Variants in SLC7A5 observed in about 807,000 individuals in gnomAD.
The protein encoded by SLC7A5 is solute carrier family 7 member 5.
SLC7A5 carries 23 observed loss-of-function variants against 50.2 expected under a neutral mutation model. That is an observed-to-expected ratio of 0.46 (90% CI 0.33 to 0.65). SLC7A5 has a LOEUF of 0.65. SLC7A5 is among the 30% of genes least tolerant of loss of function. SLC7A5 has a pLI of 0.02. For synonymous variants in SLC7A5, 393 were observed against 330.6 expected (o/e 1.19, Z -2.05); for missense variants, 578 against 684.4 (o/e 0.84, Z 1.73).
rs1173891459 is a variant in SLC7A5, at chr16:87,830,214, G to C, written c.*2756C>G. ...CACAGTGGATGGCCCTGCGTGGCTG[G>C]GACACAGACAGGGAGCAGGCATGGC... is the stretch of plus-strand genomic sequence containing the variant. On this transcript the variant is annotated 3_prime_UTR_variant, in exon 10 of 10. Transcript: ENST00000261622. 1.3e-5 allele frequency: 2 copies of C among 152,206 alleles called. No individual in the cohort carries two copies. The highest frequency in any genetic ancestry group is 3.8e-4 in the East Asian group (2 of 5,196). The allele number at this position is 152,206 out of a possible 1,614,324, so 9.4% of individuals were successfully genotyped here.
chr16:87,846,102 A>T (rs529651186), intron 2 of SLC7A5, among the ~76,000 whole-genome samples: 102 of 152,114 alleles, frequency 6.7e-4, no homozygotes, highest in African/African-American at 2.3e-3. Flanking sequence ...CGAAGTACCC[A>T]CCCTTGGGGC....
At chr16:87,854,628 G>A (rs965074501) in intron 1 of SLC7A5, among the ~76,000 whole-genome samples, 2 of 152,258 alleles carry the variant, frequency 1.3e-5, no homozygotes, top group African/African-American at 4.8e-5. Context: ...AGCACACAGG[G>A]CCAGCCACCC....
chr16:87,840,398 A>G, intron 4 of SLC7A5, 31 bp downstream of exon 4: 4 of 1,591,180 alleles, frequency 2.5e-6, no homozygotes, highest in Non-Finnish European at 2.6e-6. Flanking sequence ...AAATAATGAA[A>G]AAAGACGGCT....
rs1178046385 is a variant in SLC7A5 at position 87,869,322 on chromosome 16, C to A, written c.101G>T (p.Gly34Val). 5 of 1,610,530 alleles carry A rather than the reference C, an allele frequency of 3.1e-6. No homozygotes were observed. In the Admixed American group the frequency reaches 6.7e-5, roughly 22 times the overall value. The change falls in exon 1 of 10, where the codon GGC becomes GTC. Residue 34 changes from glycine (G) to valine (V), a missense_variant. Coordinates refer to ENST00000261622, the MANE Select transcript of SLC7A5 (RefSeq NM_003486.7). The stretch of plus-strand genomic sequence containing the variant: ...CTCGCCCTCGCCTGCCGGCGCCGAG[C>A]CGTCCGCGCTCTTGGCGGCCAGCAT... ...EKMLAAKSAD[G>V]SAPAGEGEGV...
intron 9 of SLC7A5, 75 bp downstream of exon 9, chr16:87,834,339 C>T (rs923649379): frequency 2.2e-5 from 32 of 1,452,502 alleles, no homozygotes; most frequent in East Asian, 7.4e-5. Flanking sequence ...TGGGTGGAGA[C>T]GGCCGACGCC....
At chr16:87,838,590 G>T (rs1444821832) in intron 6 of SLC7A5, 124 bp downstream of exon 6, 3 of 787,064 alleles carry the variant, frequency 3.8e-6, no homozygotes, top group Admixed American at 1.9e-5. Flanking sequence ...ACCATGCCTG[G>T]CCTATTTGAG....
chr16:87,839,585 C>CG, intron 5 of SLC7A5, 117 bp downstream of exon 5: 1 of 1,486,574 alleles, frequency 6.7e-7, no homozygotes, highest in Admixed American at 1.7e-5. Context: ...CTTAGAGACG[C>CG]GGGGCCCCCT....
chr16:87,857,898 C>T (rs1345284616), intron 1 of SLC7A5, among the ~76,000 whole-genome samples: 1 of 152,172 alleles, frequency 6.6e-6, no homozygotes, highest in Non-Finnish European at 1.5e-5. Flanking sequence ...CAGCTGCTGT[C>T]CAGAATGGGG....
Position 87,862,899 on chromosome 16 carries a change from G to T in SLC7A5, c.538+5986C>A, listed in dbSNP as rs1299553499. ...ATCTGCTGAGGAGTGACAGCCATGG[G>T]GAGGAGAGCCACCTCACTCCAGGGA... On this transcript the variant is annotated intron_variant, in intron 1 of 9. Coordinates refer to ENST00000261622, the MANE Select transcript of SLC7A5 (RefSeq NM_003486.7). This position sits in a 1 kb window ranked among gnomAD's most constrained non-coding sequence, Gnocchi z 5.3. Among the ~76,000 whole-genome samples the T allele has an allele frequency of 6.6e-6, 1 of 152,214 alleles. No homozygotes were observed. The highest frequency in any genetic ancestry group is 2.4e-5 in the African/African-American group (1 of 41,470).
At position 87,832,892 on chromosome 16, in the gene SLC7A5, A is replaced by G. The variant is rs1395342541; in HGVS notation, c.*78T>C. The G allele has an allele frequency of 5.9e-6, 7 of 1,181,450 alleles. No homozygotes were observed. In the African/African-American group the frequency reaches 1.1e-4, roughly 18 times the overall value. 73.2% of individuals were successfully genotyped at this position (1,181,450 alleles called of 1,614,324 possible). A position where few individuals can be genotyped will look rare whatever the true frequency, so the allele number is the denominator to read the frequency against. ...GCAGCTGAGCTGTGGGTTGCGGGGA[A>G]CCGGAGTGGGTTCGAGGAGGTGATC... On this transcript the variant is annotated 3_prime_UTR_variant, in exon 10 of 10. Transcript: ENST00000261622. The surrounding 1 kb of genome is among the most constrained non-coding windows in gnomAD (Gnocchi z 4.6).
Position 87,862,815 on chromosome 16 carries a change from G to C in SLC7A5, c.538+6070C>G, listed in dbSNP as rs2055415678. Among the ~76,000 whole-genome samples the C allele has an allele frequency of 6.6e-6, 1 of 152,342 alleles. No individual in the cohort carries two copies. The highest frequency in any genetic ancestry group is 6.5e-5 in the Admixed American group (1 of 15,308). ...TCAAAGCCTTGGTTGCTTTTGGCCT[G>C]ATGCTAGCTGGACAGTGTCTCAGCT... is the stretch of plus-strand genomic sequence containing the variant. On this transcript the variant is annotated intron_variant, in intron 1 of 9. Transcript: ENST00000261622. This position sits in a 1 kb window ranked among gnomAD's most constrained non-coding sequence, Gnocchi z 5.3.
intron 4 of SLC7A5, 140 bp from the exon 5 acceptor site, chr16:87,839,965 A>T: frequency 8.6e-7 from 1 of 1,161,616 alleles, no homozygotes. Context: ...GGGAAGCAGC[A>T]AGAGAACACA....
At chr16:87,850,533 C>T (rs2055208555) in intron 2 of SLC7A5, among the ~76,000 whole-genome samples, 1 of 152,238 alleles carries the variant, frequency 6.6e-6, no homozygotes, top group African/African-American at 2.4e-5. Context: ...CTGCACTCAG[C>T]GAAAGCTCCA....
intron 6 of SLC7A5, 107 bp from the exon 7 acceptor site, chr16:87,838,048 G>C (rs1291626979): frequency 2.0e-5 from 17 of 865,106 alleles, no homozygotes; most frequent in Non-Finnish European, 2.8e-5. Context: ...GGCTTGTCTG[G>C]GCCTCTCTGG....
In SLC7A5 at chr16:87,830,340, A is replaced by G. The variant is rs568739821; in HGVS notation, c.*2630T>C. The G allele has an allele frequency of 4.5e-4, 68 of 152,392 alleles. No homozygotes were observed. The highest frequency in any genetic ancestry group is 1.6e-3 in the African/African-American group (65 of 41,596). The allele number at this position is 152,392 out of a possible 1,614,324, so 9.4% of individuals were successfully genotyped here. On this transcript the variant is annotated 3_prime_UTR_variant, in exon 10 of 10. Transcript: ENST00000261622. The stretch of plus-strand genomic sequence containing the variant: ...AATTAGTAAGACGTTAGCACAAAAC[A>G]AAAAAGCACAACGACTGAAAATGCA...
chr16:87,868,428 G>A (rs2055490527), intron 1 of SLC7A5, among the ~76,000 whole-genome samples: 1 of 152,194 alleles, frequency 6.6e-6, no homozygotes, highest in Non-Finnish European at 1.5e-5. Context: ...GATTCCTGAC[G>A]AGCTGGTGTG....
intron 2 of SLC7A5, among the ~76,000 whole-genome samples, chr16:87,851,147 A>G (rs1203683941): frequency 6.6e-6 from 1 of 151,666 alleles, no homozygotes; most frequent in East Asian, 2.0e-4. Flanking sequence ...GAATGCTAAC[A>G]GTGGACACGT....
chr16:87,839,111 CG>C (rs1173733402), intron 5 of SLC7A5, among the ~76,000 whole-genome samples: 1 of 152,228 alleles, frequency 6.6e-6, no homozygotes, highest in Non-Finnish European at 1.5e-5. Flanking sequence ...TGCCTTCCCC[CG>C]TGGGGTCCTC....
chr16:87,849,581 A>G (rs2055194216), intron 2 of SLC7A5, among the ~76,000 whole-genome samples: 1 of 152,166 alleles, frequency 6.6e-6, no homozygotes, highest in Non-Finnish European at 1.5e-5. Context: ...TCACGAGCAA[A>G]GCACCCCTTC....
Sources: gnomAD v4.1 joint callset for allele counts (sites outside exome capture counted in the v4.1 genomes callset) on GRCh38, gnomAD v4.1.1 for gene constraint, Gnocchi (gnomAD v3.1) non-coding constraint, MANE v1.5 for transcripts, NCBI Gene and HGNC (gene_info 2026-07-23, HGNC 2026-07-21) for gene names.